Variants in PCDHA9 observed in about 807,000 individuals in gnomAD.
PCDHA9 encodes protocadherin alpha-9.
PCDHA9 carries 62 observed loss-of-function variants against 62.0 expected under a neutral mutation model. That is an observed-to-expected ratio of 1.00 (90% confidence interval 0.81 to 1.23). The LOEUF is 1.23. Ranked by LOEUF, PCDHA9 falls within the 50% of genes most tolerant of loss-of-function variation. PCDHA9 has a pLI of 0.00. For synonymous variants in PCDHA9, 557 were observed against 567.6 expected (o/e 0.98, Z 0.27); for missense variants, 1,205 against 1,249.8 (o/e 0.96, Z 0.54).
At chr5:140,918,115 A>G (rs185486488) in intron 1 of PCDHA9, among the ~76,000 whole-genome samples, 14 of 152,198 alleles carry the variant, frequency 9.2e-5, no homozygotes, top group African/African-American at 3.1e-4. Flanking sequence ...CACATCCTTG[A>G]TTAGCCATAT....
At chr5:140,984,398 A>T (rs1377930175) in intron 3 of PCDHA9, among the ~76,000 whole-genome samples, 1 of 152,142 alleles carries the variant, frequency 6.6e-6, no homozygotes, top group Non-Finnish European at 1.5e-5. Flanking sequence ...AAATGTTGAG[A>T]ACCTATCTTT....
At chr5:140,883,597 G>T (rs2059691205) in intron 1 of PCDHA9, 3 of 1,614,004 alleles carry the variant, frequency 1.9e-6, no homozygotes, top group Middle Eastern at 1.7e-4. Context: ...GCGTGTCGGT[G>T]GGGGTGGCCG....
chr5:141,011,221 A>G lies in PCDHA9; in HGVS notation c.*1284A>G, dbSNP rs1392607276. On this transcript the variant is annotated 3_prime_UTR_variant, in exon 4 of 4. Coordinates refer to ENST00000532602, the MANE Select transcript of PCDHA9 (RefSeq NM_031857.2). ...TCTCATACAGTGAGCAGATTTTTCA[A>G]TCTACTAATTCTGTGACTTGTCTTG... is the stretch of plus-strand genomic sequence containing the variant. The G allele has an allele frequency of 1.3e-5, 2 of 153,780 alleles. No individual in the cohort carries two copies. The highest frequency in any genetic ancestry group is 4.8e-5 in the African/African-American group (2 of 41,464). 9.5% of individuals were successfully genotyped at this position (153,780 alleles called of 1,614,324 possible).
intron 1 of PCDHA9, among the ~76,000 whole-genome samples, chr5:140,916,248 T>C (rs2077492943): frequency 6.6e-6 from 1 of 152,180 alleles, no homozygotes; most frequent in Admixed American, 6.5e-5. Flanking sequence ...AGCCTGGACT[T>C]GGGGACCCCA....
At chr5:141,000,395 CTA>C (rs1190667031) in intron 3 of PCDHA9, among the ~76,000 whole-genome samples, 91 of 53,954 alleles carry the variant, frequency 1.7e-3, no homozygotes, top group Admixed American at 3.8e-3. Flanking sequence ...CTCTCTCTCT[CTA>C]TATATATATA....
chr5:140,961,878 C>A (rs2095639757), intron 1 of PCDHA9, among the ~76,000 whole-genome samples: 1 of 150,888 alleles, frequency 6.6e-6, no homozygotes, highest in Non-Finnish European at 1.5e-5. Context: ...AATTGACTTA[C>A]TTACATCAGT....
At chr5:140,935,564 T>A (rs1554210560) in intron 1 of PCDHA9, among the ~76,000 whole-genome samples, 1 of 152,236 alleles carries the variant, frequency 6.6e-6, no homozygotes, top group Non-Finnish European at 1.5e-5. Context: ...GAAAAGTTCC[T>A]CTCTGTGTAG....
chr5:140,917,936 A>G (rs155801), intron 1 of PCDHA9, among the ~76,000 whole-genome samples: 49,654 of 151,910 alleles, frequency 0.33, 8,386 homozygotes, highest in East Asian at 0.53. Context: ...GAAAAATAAT[A>G]TTGGTAGTTT....
intron 1 of PCDHA9, among the ~76,000 whole-genome samples, chr5:140,954,973 G>T (rs781943510): frequency 7.9e-5 from 12 of 152,124 alleles, no homozygotes; most frequent in Non-Finnish European, 1.3e-4. Context: ...AAAGGGTCCA[G>T]TTTCAATTTT....
At chr5:141,006,169 A>G (rs553035949) in intron 3 of PCDHA9, among the ~76,000 whole-genome samples, 4 of 149,840 alleles carry the variant, frequency 2.7e-5, no homozygotes, top group Non-Finnish European at 5.9e-5. Flanking sequence ...TCTGATTTAT[A>G]TTTTTAAAAG....
At chr5:140,997,668 T>TTGTGTGTGTG (rs35184029) in intron 3 of PCDHA9, among the ~76,000 whole-genome samples, 47 of 148,344 alleles carry the variant, frequency 3.2e-4, no homozygotes, top group East Asian at 1.8e-3. Flanking sequence ...ATTATACAGC[T>TTGTGTGTGTG]TGTGTGTGTG....
chr5:140,990,671 C>T (rs2097406151), intron 3 of PCDHA9, among the ~76,000 whole-genome samples: 2 of 152,176 alleles, frequency 1.3e-5, no homozygotes, highest in South Asian at 4.1e-4. Flanking sequence ...ATTAGATGCA[C>T]ACCAAGCTGC....
At chr5:140,909,561 C>G (rs1281989854) in intron 1 of PCDHA9, among the ~76,000 whole-genome samples, 1 of 152,110 alleles carries the variant, frequency 6.6e-6, no homozygotes, top group Non-Finnish European at 1.5e-5. Flanking sequence ...TCTCTGCAAC[C>G]CATCCAGAGA....
At chr5:140,941,215 C>CTTTCTTTCTTTCTT (rs2092887387) in intron 1 of PCDHA9, among the ~76,000 whole-genome samples, 1 of 104,510 alleles carries the variant, frequency 9.6e-6, no homozygotes, top group African/African-American at 3.7e-5. Context: ...TTCTTTCTTC[C>CTTTCTTTCTTTCTT]TTTCTTTCTT....
intron 1 of PCDHA9, chr5:140,875,462 C>T (rs1333440854): frequency 6.3e-7 from 1 of 1,598,882 alleles, no homozygotes; most frequent in Non-Finnish European, 8.5e-7. Flanking sequence ...CAGAGGCCCT[C>T]ATTTTCTGCA....
Position 140,935,377 on chromosome 5 carries a change from C to T in PCDHA9, c.2395-43572C>T, listed in dbSNP as rs139207351. On this transcript the variant is annotated intron_variant, in intron 1 of 3. Coordinates refer to ENST00000532602, the MANE Select transcript of PCDHA9 (RefSeq NM_031857.2). ...GTTTTCATTAACGTCAACAGAATTA[C>T]TCATTTGTTATCCCACGGGACTCAA... is the stretch of plus-strand genomic sequence containing the variant. Among the ~76,000 whole-genome samples the T allele has an allele frequency of 1.3e-4, 20 of 152,332 alleles. No individual in the cohort carries two copies. In the East Asian group the frequency reaches 3.1e-3, roughly 23 times the overall value.
chr5:140,983,334 T>A (rs1314550664), intron 3 of PCDHA9, among the ~76,000 whole-genome samples: 1 of 152,234 alleles, frequency 6.6e-6, no homozygotes, highest in African/African-American at 2.4e-5. Context: ...GCCCTATCAC[T>A]AAAGCAGGGT....
chr5:140,850,480 C>A lies in PCDHA9; in HGVS notation c.1985C>A (p.Thr662Lys). ...CACGGGGAGCCAGCGCTGACGGCCACGGCCACTGTGCTGGTGTCGCTGGTG... is the reference window on the plus strand; with the variant it reads ...CACGGGGAGCCAGCGCTGACGGCCAAGGCCACTGTGCTGGTGTCGCTGGTG... ...KDHGEPALTA[T>K]ATVLVSLVES... The change falls in exon 1 of 4, where the codon ACG (threonine) becomes AAG (lysine). Residue 662 changes from threonine to lysine, a missense_variant. This residue lies in a region of PCDHA9 where 887 missense variants were observed against 809.5 expected (regional missense o/e 1.10). Transcript: ENST00000532602. 6.3e-7 allele frequency: 1 copy of A among 1,597,900 alleles called. No individual in the cohort carries two copies. Among genetic ancestry groups the A allele is most frequent in the African/African-American group, 1.3e-5 (1 of 74,448 alleles).
chr5:140,851,092 A>G (rs371116217), intron 1 of PCDHA9: 2 of 1,292,902 alleles, frequency 1.5e-6, no homozygotes, highest in East Asian at 5.4e-5. Context: ...TATTAAATAG[A>G]TATTTTTTGG....
Sources: gnomAD v4.1 joint callset for allele counts (sites outside exome capture counted in the v4.1 genomes callset) on GRCh38, gnomAD v4.1.1 for gene constraint, gnomAD v4.1.1 regional missense constraint, MANE v1.5 for transcripts, NCBI Gene and HGNC (gene_info 2026-07-23, HGNC 2026-07-21) for gene names.